Variants in CDYL2 observed in about 807,000 individuals in gnomAD.
CDYL2 encodes the protein chromodomain Y-like protein 2.
A neutral mutation model predicts 49.4 loss-of-function variants in CDYL2; 23 were observed. The observed-to-expected ratio is 0.47, with a 90% CI of 0.34 to 0.66. The LOEUF (loss-of-function observed/expected upper bound fraction) is 0.66. Among genes scored for constraint, CDYL2 ranks in the 30% least tolerant of loss-of-function variants. CDYL2 has a pLI of 0.01. For synonymous variants in CDYL2, 360 were observed against 268.8 expected (o/e 1.34, Z -3.32); for missense variants, 678 against 656.4 (o/e 1.03, Z -0.36).
chr16:80,793,933 G>C (rs911199454), intron 1 of CDYL2, among the ~76,000 whole-genome samples: 33 of 152,018 alleles, frequency 2.2e-4, no homozygotes, highest in African/African-American at 7.7e-4. Flanking sequence ...TTCTGCATTT[G>C]GTTGTTTGTA....
At chr16:80,759,480 G>A (rs890829955) in intron 1 of CDYL2, among the ~76,000 whole-genome samples, 1 of 152,110 alleles carries the variant, frequency 6.6e-6, no homozygotes, top group African/African-American at 2.4e-5. Context: ...CTATCGATGA[G>A]TCATGACCAA....
At chr16:80,672,716 A>T (rs1256546300) in intron 2 of CDYL2, among the ~76,000 whole-genome samples, 1 of 152,212 alleles carries the variant, frequency 6.6e-6, no homozygotes, top group African/African-American at 2.4e-5. Context: ...TAAAGCCTCC[A>T]TTTCTTTATG....
At chr16:80,665,505 T>TAA (rs35248259) in intron 2 of CDYL2, among the ~76,000 whole-genome samples, 30,705 of 121,428 alleles carry the variant, frequency 0.25, 4,196 homozygotes, top group Non-Finnish European at 0.3. Context: ...TTTTTGCCAT[T>TAA]AAAAAAAAAA....
At chr16:80,631,422 C>A (rs1311434548) in intron 3 of CDYL2, among the ~76,000 whole-genome samples, 2 of 152,198 alleles carry the variant, frequency 1.3e-5, no homozygotes, top group African/African-American at 2.4e-5. Context: ...CTTCTCCTGC[C>A]ATGTACCCTG....
chr16:80,729,289 G>A (rs1905254886), intron 1 of CDYL2, among the ~76,000 whole-genome samples: 1 of 151,534 alleles, frequency 6.6e-6, no homozygotes, highest in South Asian at 2.1e-4. Context: ...AAAAAAGGCA[G>A]GGGTTGCAAT....
chr16:80,622,340 C>A (rs1446992416), intron 3 of CDYL2, among the ~76,000 whole-genome samples: 3 of 152,208 alleles, frequency 2.0e-5, no homozygotes, highest in Admixed American at 6.5e-5. Flanking sequence ...CCAATCTCCC[C>A]ACCCCTTGTG....
intron 1 of CDYL2, among the ~76,000 whole-genome samples, chr16:80,725,239 T>C (rs1222868105): frequency 2.0e-5 from 3 of 151,986 alleles, no homozygotes; most frequent in Non-Finnish European, 4.4e-5. Flanking sequence ...CACCAACATC[T>C]ATTCATCCCT....
At chr16:80,644,540 G>T (rs541357795) in intron 2 of CDYL2, among the ~76,000 whole-genome samples, 1 of 152,320 alleles carries the variant, frequency 6.6e-6, no homozygotes, top group South Asian at 2.1e-4. Context: ...GGACTTAACA[G>T]TTCCACATAG....
At chr16:80,641,714 AG>A (rs1344853399) in intron 2 of CDYL2, among the ~76,000 whole-genome samples, 1 of 128,964 alleles carries the variant, frequency 7.8e-6, no homozygotes. Flanking sequence ...ACATGGACAC[AG>A]GAAGGGGAAC....
At chr16:80,677,562 C>T (rs143869153) in intron 2 of CDYL2, among the ~76,000 whole-genome samples, 3,347 of 151,820 alleles carry the variant, frequency 0.022, 46 homozygotes, top group African/African-American at 0.039. Context: ...ACGGTGAAAC[C>T]CCGTCTCTAA....
At chr16:80,804,805 C>T (rs1908051841), upstream of CDYL2, among the ~76,000 whole-genome samples, 1 of 150,962 alleles carries the variant, frequency 6.6e-6, no homozygotes, top group African/African-American at 2.4e-5. Flanking sequence ...GATCTGGGGC[C>T]GCGAAGGGGC....
rs941944939 is a variant in CDYL2 at position 80,629,576 on chromosome 16, T to C, written c.834+3443A>G. 2.6e-5 allele frequency among the ~76,000 whole-genome samples: 4 copies of C among 152,198 alleles called. No individual in the cohort carries two copies. In the East Asian group the frequency reaches 7.7e-4, roughly 29 times the overall value. On this transcript the variant is annotated intron_variant, in intron 3 of 6. Transcript: ENST00000570137. ...TAAGCTTTCAATCAAGGAGACTGTG[T>C]CATCTGTTTCACTGACTCTTTCCTT...
chr16:80,743,288 G>T (rs967406062), intron 1 of CDYL2, among the ~76,000 whole-genome samples: 6 of 152,180 alleles, frequency 3.9e-5, no homozygotes, highest in African/African-American at 1.4e-4. Flanking sequence ...GACATTGTGA[G>T]GGAGCCCTCA....
intron 1 of CDYL2, among the ~76,000 whole-genome samples, chr16:80,692,063 A>G (rs1370740232): frequency 6.6e-6 from 1 of 152,200 alleles, no homozygotes; most frequent in African/African-American, 2.4e-5. Flanking sequence ...TACCTAGAAG[A>G]GTTAATAGAG....
Position 80,693,398 on chromosome 16 carries a change from T to C in CDYL2, c.25-8269A>G, listed in dbSNP as rs546594343. On this transcript the variant is annotated intron_variant, in intron 1 of 6. Coordinates refer to ENST00000570137, the MANE Select transcript of CDYL2 (RefSeq NM_152342.4). ...ATAAGGTCTATATTGCAAAAGAAAT[T>C]GTAATAAAGCATAAAAGACAAAAAG... 1.9e-4 allele frequency among the ~76,000 whole-genome samples: 29 copies of C among 152,076 alleles called. No homozygotes were observed. The South Asian group carries it at 6.0e-3, about 32-fold the overall frequency.
chr16:80,710,216 C>T (rs1396446036), intron 1 of CDYL2, among the ~76,000 whole-genome samples: 1 of 152,124 alleles, frequency 6.6e-6, no homozygotes, highest in African/African-American at 2.4e-5. Context: ...TGTGAGCCAC[C>T]ATGCCTGGCC....
At chr16:80,708,389 T>C (rs1384850502) in intron 1 of CDYL2, among the ~76,000 whole-genome samples, 2 of 152,184 alleles carry the variant, frequency 1.3e-5, no homozygotes, top group East Asian at 1.9e-4. Flanking sequence ...CCTACCCCCA[T>C]GTAAGACGTG....
chr16:80,722,799 C>T (rs1488781776), intron 1 of CDYL2, among the ~76,000 whole-genome samples: 3 of 152,156 alleles, frequency 2.0e-5, no homozygotes, highest in Non-Finnish European at 2.9e-5. Context: ...TTTTATAATC[C>T]ATGCCAGGAG....
intron 1 of CDYL2, among the ~76,000 whole-genome samples, chr16:80,752,246 GA>G (rs1249612408): frequency 1.3e-5 from 2 of 152,016 alleles, no homozygotes; most frequent in African/African-American, 4.8e-5. Context: ...GCAACAAGGA[GA>G]AAACCGCAGA....
Sources: gnomAD v4.1 joint callset for allele counts (sites outside exome capture counted in the v4.1 genomes callset) on GRCh38, gnomAD v4.1.1 for gene constraint, MANE v1.5 for transcripts, NCBI Gene and HGNC (gene_info 2026-07-23, HGNC 2026-07-21) for gene names.